Variants in CDC42SE2 observed in about 807,000 individuals in gnomAD.
CDC42SE2 encodes CDC42 small effector protein 2.
A neutral mutation model predicts 11.5 loss-of-function variants in CDC42SE2; 3 were observed. The observed-to-expected ratio is 0.26, with a 90% CI of 0.12 to 0.67. The LOEUF (loss-of-function observed/expected upper bound fraction) is 0.67. Ranked by LOEUF, CDC42SE2 falls within the 30% of genes least tolerant of loss-of-function variation. The pLI, the probability that CDC42SE2 is intolerant of heterozygous loss-of-function variation, is 0.80. For synonymous variants in CDC42SE2, 33 were observed against 34.8 expected (o/e 0.95, Z 0.18); for missense variants, 82 against 106.8 (o/e 0.77, Z 1.02).
intron 2 of CDC42SE2, among the ~76,000 whole-genome samples, chr5:131,336,506 G>T (rs898920365): frequency 6.6e-6 from 1 of 152,104 alleles, no homozygotes; most frequent in African/African-American, 2.4e-5. Flanking sequence ...TCCTGAATTT[G>T]AATGTTGGCT....
In CDC42SE2 at chr5:131,319,780, G is replaced by A. The variant is rs143159003; in HGVS notation, c.-286+3636G>A. Reference sequence around the variant, plus strand: ...AAGAATGAGCATTTAGGCCAGGCACGGTGGCTCACGCCTGTAATCCCAGCA... The same window carrying A: ...AAGAATGAGCATTTAGGCCAGGCACAGTGGCTCACGCCTGTAATCCCAGCA... On this transcript the variant is annotated intron_variant, in intron 2 of 4. Transcript: ENST00000505065. Among the ~76,000 whole-genome samples the A allele has an allele frequency of 3.6e-3, 552 of 152,136 alleles. 7 individuals carry two copies. The highest frequency in any genetic ancestry group is 0.013 in the African/African-American group (542 of 41,526).
the CDC42SE2 span, among the ~76,000 whole-genome samples, chr5:131,219,634 G>A: frequency 6.6e-6 from 1 of 152,262 alleles, no homozygotes; most frequent in East Asian, 1.9e-4. Context: ...TTGTGGCTTT[G>A]ATACACAATG....
intron 1 of CDC42SE2, among the ~76,000 whole-genome samples, chr5:131,314,211 A>G (rs1173933654): frequency 6.6e-6 from 1 of 151,876 alleles, no homozygotes; most frequent in African/African-American, 2.4e-5. Flanking sequence ...CTACAAATGA[A>G]ATTATTTTTT....
Position 131,300,453 on chromosome 5 carries a change from G to A in CDC42SE2, c.-454-15523G>A, listed in dbSNP as rs547434510. Among the ~76,000 whole-genome samples, 21 of 152,184 alleles carry A rather than the reference G, an allele frequency of 1.4e-4. No individual in the cohort carries two copies. In the South Asian group the frequency reaches 4.3e-3, roughly 32 times the overall value. On this transcript the variant is annotated intron_variant, in intron 1 of 4. Transcript: ENST00000505065. ...TAGGGTGACCATATAATTTATCATCGAAACTGGAACATATCAAGATAGAGA... is the reference window on the plus strand; with the variant it reads ...TAGGGTGACCATATAATTTATCATCAAAACTGGAACATATCAAGATAGAGA...
the CDC42SE2 span, among the ~76,000 whole-genome samples, chr5:131,221,052 T>C: frequency 1.3e-5 from 2 of 151,954 alleles, no homozygotes; most frequent in African/African-American, 2.4e-5. Flanking sequence ...ACTCGGCTAA[T>C]ATTTTGTATT....
In CDC42SE2 at chr5:131,286,031, A is replaced by AAGTCTGG. The variant is rs1182853065; in HGVS notation, c.-455+21866_-455+21872dup. On this transcript the variant is annotated intron_variant, in intron 1 of 4. Coordinates refer to ENST00000505065, the MANE Select transcript of CDC42SE2 (RefSeq NM_001375635.1). ...CATTTCCAATACTAACTGTAAAGGA[A>AAGTCTGG]AGTCTGGGAAATGTAGCTTTTTTTT... Among the ~76,000 whole-genome samples, 35 of 150,750 alleles carry AAGTCTGG rather than the reference A, an allele frequency of 2.3e-4. No individual in the cohort carries two copies. The Admixed American group carries it at 2.3e-3, about 10-fold the overall frequency.
chr5:131,281,715 C>T (rs1757241457), intron 1 of CDC42SE2, among the ~76,000 whole-genome samples: 1 of 152,146 alleles, frequency 6.6e-6, no homozygotes, highest in African/African-American at 2.4e-5. Context: ...TTTCCATAGT[C>T]ATTTAGCTTG....
intron 3 of CDC42SE2, among the ~76,000 whole-genome samples, chr5:131,379,775 T>G (rs1326441170): frequency 1.3e-5 from 2 of 152,192 alleles, no homozygotes; most frequent in Non-Finnish European, 2.9e-5. Flanking sequence ...TAACAAAGTT[T>G]CCTATAAAGA....
At chr5:131,253,118 A>C (rs1019169540) in intron 1 of CDC42SE2, 1 of 152,102 alleles carries the variant, frequency 6.6e-6, no homozygotes, top group African/African-American at 2.4e-5. Flanking sequence ...AGAATGAAAC[A>C]CTCATCGCAT....
chr5:131,241,232 G>C (rs759212263), upstream of CDC42SE2, among the ~76,000 whole-genome samples: 2 of 152,096 alleles, frequency 1.3e-5, no homozygotes, highest in Non-Finnish European at 2.9e-5. Context: ...AAAGTGCTGG[G>C]ATTACAGGCG....
intron 2 of CDC42SE2, among the ~76,000 whole-genome samples, chr5:131,351,545 T>C (rs547134196): frequency 2.4e-4 from 37 of 152,188 alleles, no homozygotes; most frequent in East Asian, 1.4e-3. Context: ...TGAGCCACCG[T>C]GCCCGGCCTC....
In CDC42SE2 at chr5:131,392,742, G is replaced by A. The variant is rs1489196397; in HGVS notation, c.*1651G>A. ...ATTAATTAGCTGTTCGTTTCTTTGT[G>A]CACTCATTCTTTTATTTTTACTTCT... On this transcript the variant is annotated 3_prime_UTR_variant, in exon 5 of 5. Coordinates refer to ENST00000505065, the MANE Select transcript of CDC42SE2 (RefSeq NM_001375635.1). 12 of 152,252 alleles carry A rather than the reference G, an allele frequency of 7.9e-5. No homozygotes were observed. The highest frequency in any genetic ancestry group is 7.9e-4 in the Admixed American group (12 of 15,268). The allele number at this position is 152,252 out of a possible 1,614,324, so 9.4% of individuals were successfully genotyped here. A position where few individuals can be genotyped will look rare whatever the true frequency, so the allele number is the denominator to read the frequency against.
At chr5:131,376,701 C>T (rs1045639353) in intron 3 of CDC42SE2, among the ~76,000 whole-genome samples, 1 of 152,112 alleles carries the variant, frequency 6.6e-6, no homozygotes, top group African/African-American at 2.4e-5. Context: ...TTCTTTGTGA[C>T]CATGTGTACT....
At chr5:131,317,119 T>A (rs1026047286) in intron 2 of CDC42SE2, among the ~76,000 whole-genome samples, 26 of 152,230 alleles carry the variant, frequency 1.7e-4, no homozygotes, top group Non-Finnish European at 3.2e-4. Context: ...TTTTTTTTTT[T>A]AAATTCACAT....
At position 131,394,577 on chromosome 5, in the gene CDC42SE2, G is replaced by T. The variant is rs771583736; in HGVS notation, c.*3486G>T. On this transcript the variant is annotated 3_prime_UTR_variant, in exon 5 of 5. Transcript: ENST00000505065. ...TATAAGCATACTTTTTTTGTACATT[G>T]TGTTCATTCTTGAATAAAATGAGTT... The T allele has an allele frequency of 1.3e-5, 2 of 152,198 alleles. No homozygotes were observed. Among genetic ancestry groups the T allele is most frequent in the Non-Finnish European group, 2.9e-5 (2 of 68,012 alleles). The allele number at this position is 152,198 out of a possible 1,614,324, so 9.4% of individuals were successfully genotyped here.
At chr5:131,333,150 T>C (rs1255674060) in intron 2 of CDC42SE2, among the ~76,000 whole-genome samples, 1 of 152,190 alleles carries the variant, frequency 6.6e-6, no homozygotes, top group East Asian at 1.9e-4. Flanking sequence ...TTGTATAAGG[T>C]GTAAGGAAGG....
At chr5:131,287,358 A>G (rs1580732414) in intron 1 of CDC42SE2, among the ~76,000 whole-genome samples, 1 of 152,328 alleles carries the variant, frequency 6.6e-6, no homozygotes, top group South Asian at 2.1e-4. Flanking sequence ...TGATTTGTTC[A>G]GAAATTTTTC....
intron 2 of CDC42SE2, among the ~76,000 whole-genome samples, chr5:131,352,700 C>T (rs113653108): frequency 6.6e-6 from 1 of 152,066 alleles, no homozygotes; most frequent in African/African-American, 2.4e-5. Context: ...TTGTACCACA[C>T]GTGAGTATCA....
chr5:131,386,027 T>A (rs1750472473), intron 4 of CDC42SE2, among the ~76,000 whole-genome samples: 1 of 152,228 alleles, frequency 6.6e-6, no homozygotes, highest in African/African-American at 2.4e-5. Context: ...TAAGTTCAGT[T>A]AGTTGCCTTT....
Sources: gnomAD v4.1 joint callset for allele counts (sites outside exome capture counted in the v4.1 genomes callset) on GRCh38, gnomAD v4.1.1 for gene constraint, MANE v1.5 for transcripts, NCBI Gene and HGNC (gene_info 2026-07-23, HGNC 2026-07-21) for gene names.